IQSEC1: variants seen among roughly 807,000 people sequenced by gnomAD.
The protein encoded by IQSEC1 is IQ motif and Sec7 domain ArfGEF 1, also known as IQ motif and SEC7 domain-containing protein 1.
Under a neutral mutation model 91.0 loss-of-function variants are expected in IQSEC1, and 31 were observed. The observed-to-expected ratio is 0.34, with a 90% CI of 0.26 to 0.46. The LOEUF (loss-of-function observed/expected upper bound fraction) is 0.46, where lower values mean the gene tolerates loss of function less well. Ranked by LOEUF, IQSEC1 falls within the 20% of genes least tolerant of loss-of-function variation. The probability of loss-of-function intolerance (pLI) is 1.00; values close to 1 mark genes in which losing one functional copy is unlikely to be tolerated. For missense variants in IQSEC1, 1,388 were observed against 1,575.6 expected, an observed-to-expected ratio of 0.88 and a Z score of 2.02; for synonymous variants, 699 against 662.6, an observed-to-expected ratio of 1.05 and a Z score of -0.84.
intron 2 of IQSEC1, among the ~76,000 whole-genome samples, chr3:13,145,121 G>A (rs1706867807): frequency 6.6e-6 from 1 of 152,196 alleles, no homozygotes; most frequent in African/African-American, 2.4e-5. Context: ...ATCTGCTGAG[G>A]AATGAGTTAA....
chr3:13,216,651 A>G (rs1439084750), intron 1 of IQSEC1, among the ~76,000 whole-genome samples: 2 of 152,196 alleles, frequency 1.3e-5, no homozygotes, highest in Non-Finnish European at 2.9e-5. Context: ...TCCCATCAGT[A>G]AACCCACCAG....
At chr3:13,071,842 A>AAACCAGAGGCCACCGCCATCCCCCG (rs1705442532) in intron 1 of IQSEC1, among the ~76,000 whole-genome samples, 3 of 62,234 alleles carry the variant, frequency 4.8e-5, no homozygotes, top group African/African-American at 6.4e-5. Context: ...GCCATCCCCC[A>AAACCAGAGGCCACCGCCATCCCCCG]AACCAGAGGC....
chr3:13,077,030 CTTT>C (rs11360262), upstream of IQSEC1, among the ~76,000 whole-genome samples: 97 of 144,800 alleles, frequency 6.7e-4, no homozygotes, highest in South Asian at 6.3e-3. Flanking sequence ...TTCTTTCTTT[CTTT>C]TTTTTTTTTT....
intron 1 of IQSEC1, among the ~76,000 whole-genome samples, chr3:13,267,869 G>A (rs1043512421): frequency 4.6e-5 from 7 of 151,902 alleles, no homozygotes; most frequent in Non-Finnish European, 8.8e-5. Flanking sequence ...CACCCGCCTC[G>A]GCCTCCCAAA....
At position 12,897,734 on chromosome 3, in the gene IQSEC1, C is replaced by T. The variant is rs766181985; in HGVS notation, c.*3249G>A. Reference sequence around the variant, plus strand: ...CCTGCGGGCACAGAGCTTCCCGTGGCGCTGAGTCAACACCCAGCATCAGCT... The same window carrying T: ...CCTGCGGGCACAGAGCTTCCCGTGGTGCTGAGTCAACACCCAGCATCAGCT... On this transcript the variant is annotated 3_prime_UTR_variant, in exon 14 of 14. Transcript: ENST00000613206. 2.1e-4 allele frequency: 32 copies of T among 152,326 alleles called. No individual in the cohort carries two copies. The highest frequency in any genetic ancestry group is 7.2e-4 in the Admixed American group (11 of 15,308). The allele number at this position is 152,326 out of a possible 1,614,324, so 9.4% of individuals were successfully genotyped here. A position where few individuals can be genotyped will look rare whatever the true frequency, so the allele number is the denominator to read the frequency against.
chr3:13,208,633 G>C (rs1559277854), intron 1 of IQSEC1, among the ~76,000 whole-genome samples: 1 of 152,316 alleles, frequency 6.6e-6, no homozygotes, highest in Non-Finnish European at 1.5e-5. Flanking sequence ...CTGACCCATA[G>C]CCAGGTCTGG....
At chr3:12,989,807 G>A (rs572334110) in intron 1 of IQSEC1, among the ~76,000 whole-genome samples, 1 of 152,256 alleles carries the variant, frequency 6.6e-6, no homozygotes, top group East Asian at 1.9e-4. Flanking sequence ...AGGAAGCCTG[G>A]GTAGGGATTA....
intron 3 of IQSEC1, among the ~76,000 whole-genome samples, chr3:12,925,308 C>T (rs1247905614): frequency 6.6e-6 from 1 of 152,208 alleles, no homozygotes; most frequent in Non-Finnish European, 1.5e-5. Context: ...GGGGAGAAAT[C>T]GCTCTGTGCC....
At chr3:13,166,237 G>A (rs1023686318) in intron 1 of IQSEC1, among the ~76,000 whole-genome samples, 2 of 152,212 alleles carry the variant, frequency 1.3e-5, no homozygotes, top group Non-Finnish European at 2.9e-5. Flanking sequence ...CCTGCTCTGC[G>A]CCTCTATCCC....
At chr3:13,089,266 G>C (rs986782192) in intron 2 of IQSEC1, among the ~76,000 whole-genome samples, 13 of 152,332 alleles carry the variant, frequency 8.5e-5, no homozygotes, top group African/African-American at 3.1e-4. Context: ...TCCATACTAT[G>C]AAACATTATT....
chr3:12,915,542 G>A, intron 7 of IQSEC1, 52 bp downstream of exon 7: 1 of 1,589,362 alleles, frequency 6.3e-7, no homozygotes, highest in Non-Finnish European at 8.6e-7. Flanking sequence ...CTGGCAGGCA[G>A]CCCCGCCCGG....
At chr3:13,081,856 G>A (rs1388864854) in intron 2 of IQSEC1, among the ~76,000 whole-genome samples, 1 of 152,160 alleles carries the variant, frequency 6.6e-6, no homozygotes, top group Non-Finnish European at 1.5e-5. Context: ...TGGTCCTCCC[G>A]TTCACAGAGG....
At chr3:13,169,206 T>C (rs750305896) in intron 1 of IQSEC1, among the ~76,000 whole-genome samples, 1 of 152,184 alleles carries the variant, frequency 6.6e-6, no homozygotes, top group Non-Finnish European at 1.5e-5. Flanking sequence ...GTTCTTGTGA[T>C]AGTGAATAAG....
chr3:13,056,737 G>A (rs893945866), intron 1 of IQSEC1, among the ~76,000 whole-genome samples: 6 of 152,134 alleles, frequency 3.9e-5, no homozygotes, highest in African/African-American at 7.2e-5. Flanking sequence ...TTGCTGAGGC[G>A]AGTTTTCCCT....
rs1700856157 is a variant in IQSEC1 at position 12,970,826 on chromosome 3, AC to A, written c.24-28962del. 6.6e-6 allele frequency among the ~76,000 whole-genome samples: 1 copy of A among 152,200 alleles called. No homozygotes were observed. The highest frequency in any genetic ancestry group is 1.5e-5 in the Non-Finnish European group (1 of 68,040). ...TTTACATGGCATCAGGTTACTCTGC[AC>A]CTGCTTGCTTATACCAGTGAGCTGT... On this transcript the variant is annotated intron_variant, in intron 1 of 13. Coordinates refer to ENST00000613206, the MANE Select transcript of IQSEC1 (RefSeq NM_001134382.3). This position sits in a 1 kb window ranked among gnomAD's most constrained non-coding sequence, Gnocchi z 4.4.
At chr3:13,005,510 G>GAGGC (rs77275253) in intron 1 of IQSEC1, among the ~76,000 whole-genome samples, 4,196 of 152,282 alleles carry the variant, frequency 0.028, 118 homozygotes, top group East Asian at 0.14. Context: ...GGTGACCACG[G>GAGGC]AGGCAGGCAG....
rs760024424 is a variant in IQSEC1 at position 13,259,544 on chromosome 3, C to T, written c.272+23167G>A. On this transcript the variant is annotated intron_variant, in intron 1 of 15. Transcript: ENST00000648114. The surrounding 1 kb of genome is among the most constrained non-coding windows in gnomAD (Gnocchi z 4.6). ...AATACAGCCGACTCCCCAAGGCCTT[C>T]GAGGCGGGCTGATGGATGCAGTGTT... Among the ~76,000 whole-genome samples the T allele has an allele frequency of 3.9e-5, 6 of 152,064 alleles. No homozygotes were observed. Among genetic ancestry groups the T allele is most frequent in the Non-Finnish European group, 8.8e-5 (6 of 68,046 alleles).
chr3:13,019,429 T>C (rs1703299251), intron 1 of IQSEC1, among the ~76,000 whole-genome samples: 1 of 152,194 alleles, frequency 6.6e-6, no homozygotes, highest in Non-Finnish European at 1.5e-5. Flanking sequence ...AGTGGAAAAC[T>C]ATGCGCTGTC....
intron 2 of IQSEC1, among the ~76,000 whole-genome samples, chr3:13,156,802 A>G (rs1707091949): frequency 6.6e-6 from 1 of 152,222 alleles, no homozygotes. Flanking sequence ...TGGACTGAGG[A>G]GAACTCATCT....
Sources: gnomAD v4.1 joint callset for allele counts (sites outside exome capture counted in the v4.1 genomes callset) on GRCh38, gnomAD v4.1.1 for gene constraint, Gnocchi (gnomAD v3.1) non-coding constraint, MANE v1.5 for transcripts, NCBI Gene and HGNC (gene_info 2026-07-23, HGNC 2026-07-21) for gene names.